DZIP1L: variants seen among roughly 807,000 people sequenced by gnomAD.
DZIP1L encodes the protein DAZ interacting zinc finger protein 1 like.
In DZIP1L, 90 loss-of-function variants were observed where a neutral mutation model predicts 88.7. The observed-to-expected ratio is 1.02, with a 90% confidence interval of 0.86 to 1.21. DZIP1L has a LOEUF of 1.21. Among genes scored for constraint, DZIP1L ranks in the 50% most tolerant of loss-of-function variants. DZIP1L has a pLI of 0.00. For missense variants in DZIP1L, 932 were observed against 955.8 expected, an observed-to-expected ratio of 0.98 and a Z score of 0.33; for synonymous variants, 363 against 372.1, an observed-to-expected ratio of 0.98 and a Z score of 0.28.
chr3:138,092,799 T>C (rs1944298949), intron 4 of DZIP1L, among the ~76,000 whole-genome samples: 1 of 152,242 alleles, frequency 6.6e-6, no homozygotes, highest in African/African-American at 2.4e-5. Context: ...AAGCAACTAC[T>C]GAACCATTAG....
At chr3:138,087,063 G>T (rs1417256103) in intron 6 of DZIP1L, 40 bp from the exon 7 acceptor site, 1 of 1,591,042 alleles carries the variant, frequency 6.3e-7, no homozygotes, top group Admixed American at 1.7e-5. Flanking sequence ...GCCCTTGCAG[G>T]TATTAAAACA....
chr3:138,111,440 T>C (rs1224108160), intron 1 of DZIP1L, among the ~76,000 whole-genome samples: 1 of 152,144 alleles, frequency 6.6e-6, no homozygotes, highest in Non-Finnish European at 1.5e-5. Context: ...ATCAGGCATA[T>C]CAATGAGAAG....
intron 3 of DZIP1L, 118 bp downstream of exon 3, chr3:138,097,645 T>C (rs999487825): frequency 3.3e-6 from 3 of 918,474 alleles, no homozygotes; most frequent in East Asian, 2.7e-5. Context: ...CCATCCCCAA[T>C]TGGACAGTGA....
At chr3:138,090,580 GCA>G (rs1347670774) in intron 5 of DZIP1L, among the ~76,000 whole-genome samples, 1 of 152,122 alleles carries the variant, frequency 6.6e-6, no homozygotes, top group Non-Finnish European at 1.5e-5. Flanking sequence ...CCACCCCAGT[GCA>G]CACAGAGTTC....
chr3:138,099,797 C>T lies in DZIP1L; in HGVS notation c.502-1950G>A, dbSNP rs796775939. On this transcript the variant is annotated intron_variant, in intron 2 of 15. Coordinates refer to ENST00000327532, the MANE Select transcript of DZIP1L (RefSeq NM_173543.3). ...CAGGCCAGCTCCCCTTCACCTTCCA[C>T]CAGGAGTGAAAGCAGCCAGAGGCCC... is the stretch of plus-strand genomic sequence containing the variant. Among the ~76,000 whole-genome samples the T allele has an allele frequency of 2.6e-5, 4 of 152,180 alleles. No individual in the cohort carries two copies. In the South Asian group the frequency reaches 8.3e-4, roughly 32 times the overall value.
intron 5 of DZIP1L, chr3:138,089,116 C>G: frequency 2.0e-6 from 2 of 985,416 alleles, no homozygotes; most frequent in Non-Finnish European, 2.4e-6. Context: ...CAACATATTT[C>G]TATCTGTATG....
chr3:138,089,070 ATT>A (rs1944085772), intron 5 of DZIP1L: 2 of 985,286 alleles, frequency 2.0e-6, no homozygotes, highest in African/African-American at 3.5e-5. Flanking sequence ...ACCTTTGATT[ATT>A]TCTTATAATA....
chr3:138,102,165 CTG>C, intron 2 of DZIP1L: 1 of 1,378,740 alleles, frequency 7.3e-7, no homozygotes, highest in Admixed American at 1.7e-5. Context: ...CAGGGAGTGA[CTG>C]TTGTCCATGG....
Position 138,062,714 on chromosome 3 carries a change from G to C in DZIP1L, c.*102C>G. The C allele has an allele frequency of 7.5e-7, 1 of 1,329,074 alleles. No homozygotes were observed. Among genetic ancestry groups the C allele is most frequent in the Middle Eastern group, 2.7e-4 (1 of 3,768 alleles). 82.3% of individuals were successfully genotyped at this position (1,329,074 alleles called of 1,614,324 possible). On this transcript the variant is annotated 3_prime_UTR_variant, in exon 16 of 16. Coordinates refer to ENST00000327532, the MANE Select transcript of DZIP1L (RefSeq NM_173543.3). ...TTCTCTCCAAGAGGATGATCTCTTGGTTGTTTGTGAAGACAAGAGGCCCAG... is the reference window on the plus strand; with the variant it reads ...TTCTCTCCAAGAGGATGATCTCTTGCTTGTTTGTGAAGACAAGAGGCCCAG...
At chr3:138,090,744 G>A (rs942920432) in intron 5 of DZIP1L, among the ~76,000 whole-genome samples, 2 of 152,086 alleles carry the variant, frequency 1.3e-5, no homozygotes, top group African/African-American at 2.4e-5. Context: ...TGTGAAAAAC[G>A]CTATTAGACA....
intron 4 of DZIP1L, 28 bp from the exon 5 acceptor site, chr3:138,092,572 T>C: frequency 6.5e-7 from 1 of 1,541,506 alleles, no homozygotes; most frequent in Non-Finnish European, 8.7e-7. Context: ...AACAATATGA[T>C]GATTAATTCC....
intron 1 of DZIP1L, 75 bp from the exon 2 acceptor site, chr3:138,104,127 G>A: frequency 7.2e-7 from 1 of 1,380,770 alleles, no homozygotes; most frequent in Non-Finnish European, 9.5e-7. Context: ...GCCAGCAAGG[G>A]CCTAAGCGGG....
chr3:138,076,281 T>A (rs1161117530), intron 11 of DZIP1L, among the ~76,000 whole-genome samples: 2 of 152,174 alleles, frequency 1.3e-5, no homozygotes, highest in African/African-American at 2.4e-5. Flanking sequence ...GACATGGATG[T>A]GGTGAAAAGG....
rs1576475450 is a variant in DZIP1L at position 138,091,346 on chromosome 3, G to A, written c.870+1037C>T. On this transcript the variant is annotated intron_variant, in intron 5 of 15. Transcript: ENST00000327532. Reference sequence around the variant, plus strand: ...AAAGAAAGAATGACGGCCGGGCGCAGTGGCTCATGCCTGTAAATCCCAGCA... The same window carrying A: ...AAAGAAAGAATGACGGCCGGGCGCAATGGCTCATGCCTGTAAATCCCAGCA... Among the ~76,000 whole-genome samples the A allele has an allele frequency of 2.6e-5, 4 of 151,878 alleles. No individual in the cohort carries two copies. The Middle Eastern group carries it at 0.014, about 517-fold the overall frequency.
intron 7 of DZIP1L, among the ~76,000 whole-genome samples, chr3:138,084,808 C>T (rs1943846354): frequency 6.6e-6 from 1 of 152,056 alleles, no homozygotes; most frequent in Non-Finnish European, 1.5e-5. Flanking sequence ...AATGTATTTC[C>T]CATTTGAAAA....
chr3:138,103,812 T>C lies in DZIP1L; in HGVS notation c.160A>G (p.Thr54Ala), dbSNP rs2107848282. Residue 54 changes from threonine (T) to alanine (A), a missense_variant, in exon 2 of 16, where the codon ACT becomes GCT. By Grantham distance (58) the Thr-to-Ala change is moderately conservative. Coordinates refer to ENST00000327532, the MANE Select transcript of DZIP1L (RefSeq NM_173543.3). ...ATGCCAGCAATATTCTCCTGCAGAG[T>C]GGCCACATCCAGTTCCCGGGCCACG... Reference protein sequence around the residue: ...DRVARELDVATLQENIAGITF... With the variant: ...DRVARELDVAALQENIAGITF... 6.2e-7 allele frequency: 1 copy of C among 1,614,136 alleles called. No homozygotes were observed. The highest frequency in any genetic ancestry group is 8.5e-7 in the Non-Finnish European group (1 of 1,180,030).
intron 12 of DZIP1L, among the ~76,000 whole-genome samples, chr3:138,071,151 A>T (rs1943157861): frequency 6.6e-6 from 1 of 152,236 alleles, no homozygotes; most frequent in African/African-American, 2.4e-5. Flanking sequence ...TGGCCAGAGC[A>T]GGGGCTATCT....
intron 1 of DZIP1L, among the ~76,000 whole-genome samples, chr3:138,106,657 C>A (rs2042499770): frequency 6.6e-6 from 1 of 151,564 alleles, no homozygotes; most frequent in Non-Finnish European, 1.5e-5. Context: ...CATGGTGAAA[C>A]CCCGTCTCTA....
At chr3:138,114,489 G>T (rs1014912760) in intron 1 of DZIP1L, among the ~76,000 whole-genome samples, 2 of 152,210 alleles carry the variant, frequency 1.3e-5, no homozygotes, top group Non-Finnish European at 2.9e-5. Context: ...AAGCAGGATT[G>T]TTCTCACTGG....
Sources: gnomAD v4.1 joint callset for allele counts (sites outside exome capture counted in the v4.1 genomes callset) on GRCh38, gnomAD v4.1.1 for gene constraint, MANE v1.5 for transcripts, NCBI Gene and HGNC (gene_info 2026-07-23, HGNC 2026-07-21) for gene names.